The following EPC2 variants were observed in gnomAD, a reference collection of about 807,000 sequenced individuals.
The protein encoded by EPC2 is enhancer of polycomb homolog 2.
EPC2 carries 14 observed loss-of-function variants against 92.1 expected under a neutral mutation model. The observed-to-expected ratio is 0.15, with a 90% confidence interval of 0.10 to 0.24. The LOEUF is 0.24. Among genes scored for constraint, EPC2 ranks in the 10% least tolerant of loss-of-function variants. EPC2 has a pLI of 1.00. For missense variants in EPC2, 755 were observed against 971.5 expected (o/e 0.78, Z 2.96); for synonymous variants, 340 against 334.7 (o/e 1.02, Z -0.17).
intron 2 of EPC2, among the ~76,000 whole-genome samples, chr2:148,700,002 T>G (rs1681841361): frequency 6.6e-6 from 1 of 152,218 alleles, no homozygotes; most frequent in Admixed American, 6.5e-5. Context: ...CCTTTTTGTT[T>G]GATTGACATT....
intron 10 of EPC2, among the ~76,000 whole-genome samples, chr2:148,774,484 G>A (rs1412669007): frequency 9.2e-5 from 14 of 151,820 alleles, no homozygotes; most frequent in Admixed American, 7.2e-4. Flanking sequence ...AAAGTTAGCC[G>A]GGTGTGGTGG....
chr2:148,766,091 C>T (rs1169394392), intron 7 of EPC2, among the ~76,000 whole-genome samples: 1 of 152,050 alleles, frequency 6.6e-6, no homozygotes, highest in Admixed American at 6.5e-5. Flanking sequence ...TATTGTGTAT[C>T]ACCTGCTCTA....
chr2:148,714,963 T>G (rs985567177), intron 2 of EPC2, among the ~76,000 whole-genome samples: 8 of 152,100 alleles, frequency 5.3e-5, no homozygotes, highest in African/African-American at 1.9e-4. Context: ...TTTGGCATCT[T>G]TGTCATGAAA....
At chr2:148,763,976 C>T (rs1330757608) in intron 6 of EPC2, among the ~76,000 whole-genome samples, 1 of 152,158 alleles carries the variant, frequency 6.6e-6, no homozygotes, top group Non-Finnish European at 1.5e-5. Flanking sequence ...GATTTGGTTG[C>T]ATCCATTGTT....
intron 1 of EPC2, among the ~76,000 whole-genome samples, chr2:148,651,195 A>G (rs1024659878): frequency 7.2e-5 from 11 of 152,202 alleles, no homozygotes; most frequent in Admixed American, 2.0e-4. Flanking sequence ...ATATTTGAGC[A>G]TAAGAATATC....
In EPC2 at chr2:148,761,850, A is replaced by C. The variant is rs1196291930; in HGVS notation, c.735A>C (p.Ile245=). ...LKLRREFSRA[I]TILEMIKRRE... is the part of the protein sequence containing the mutation. ...TGAGACGAGAATTTAGTAGAGCCAT[A>C]ACAATTTTGGAAATGATTAAGAGAA... is the stretch of plus-strand genomic sequence containing the variant. Residue 245 remains isoleucine (I), a synonymous_variant, in exon 5 of 14, where the codon ATA becomes ATC. Transcript: ENST00000258484. 2.5e-6 allele frequency: 4 copies of C among 1,595,980 alleles called. No homozygotes were observed. Among genetic ancestry groups the C allele is most frequent in the Non-Finnish European group, 3.4e-6 (4 of 1,173,022 alleles).
At chr2:148,730,534 A>C (rs954610388) in intron 2 of EPC2, among the ~76,000 whole-genome samples, 3 of 152,152 alleles carry the variant, frequency 2.0e-5, no homozygotes, top group Non-Finnish European at 4.4e-5. Context: ...AACAAGCCCC[A>C]CCCCAAATCT....
At chr2:148,664,276 A>G (rs1681014821) in intron 1 of EPC2, among the ~76,000 whole-genome samples, 1 of 152,118 alleles carries the variant, frequency 6.6e-6, no homozygotes, top group South Asian at 2.1e-4. Context: ...AGGTGGGTGG[A>G]TTGCTCGAGT....
At chr2:148,744,959 G>T (rs1374239242) in intron 3 of EPC2, among the ~76,000 whole-genome samples, 1 of 129,666 alleles carries the variant, frequency 7.7e-6, no homozygotes, top group East Asian at 2.3e-4. Flanking sequence ...TTTGGCAAGT[G>T]ACTTTGCTGC....
At chr2:148,785,091 A>G in intron 13 of EPC2, 90 bp downstream of exon 13, 1 of 1,056,446 alleles carries the variant, frequency 9.5e-7, no homozygotes, top group Middle Eastern at 2.1e-4. Context: ...CTCAAGCAAT[A>G]GGTGTTTATT....
chr2:148,684,729 C>T (rs920073047), intron 1 of EPC2, among the ~76,000 whole-genome samples: 2 of 152,272 alleles, frequency 1.3e-5, no homozygotes, highest in Non-Finnish European at 1.5e-5. Context: ...ACTTACATAC[C>T]TGCGTGAGGT....
At chr2:148,700,263 T>C (rs1681845970) in intron 2 of EPC2, among the ~76,000 whole-genome samples, 1 of 152,164 alleles carries the variant, frequency 6.6e-6, no homozygotes, top group African/African-American at 2.4e-5. Flanking sequence ...TTTCATGAAT[T>C]ATGTGTTTGG....
intron 2 of EPC2, among the ~76,000 whole-genome samples, chr2:148,700,849 C>T (rs574424049): frequency 6.6e-5 from 10 of 152,068 alleles, no homozygotes; most frequent in Middle Eastern, 3.4e-3. Context: ...TTTACTGAGA[C>T]GTTGTTGAAT....
At chr2:148,733,303 A>G (rs989150602) in intron 2 of EPC2, among the ~76,000 whole-genome samples, 2 of 151,756 alleles carry the variant, frequency 1.3e-5, no homozygotes, top group African/African-American at 4.8e-5. Flanking sequence ...TTTCTCAGAA[A>G]TACTTTACTT....
chr2:148,710,327 G>A (rs182942368), intron 2 of EPC2, among the ~76,000 whole-genome samples: 28 of 152,288 alleles, frequency 1.8e-4, no homozygotes, highest in African/African-American at 6.5e-4. Context: ...TAGAATGGCA[G>A]TCATTGAAAA....
intron 11 of EPC2, among the ~76,000 whole-genome samples, chr2:148,782,307 C>T (rs752354202): frequency 2.2e-4 from 34 of 152,034 alleles, no homozygotes; most frequent in Admixed American, 5.2e-4. Context: ...GCGGCCGAGG[C>T]GGGCAGATCA....
Position 148,787,152 on chromosome 2 carries a change from A to T in EPC2, c.*775A>T, listed in dbSNP as rs1244101217. The stretch of plus-strand genomic sequence containing the variant: ...CAAATATGAAAATTTTTCGAGGATT[A>T]CATTTTATCTGAAGGCTGCATATTT... On this transcript the variant is annotated 3_prime_UTR_variant, in exon 14 of 14. Transcript: ENST00000258484. 1.3e-5 allele frequency: 2 copies of T among 152,688 alleles called. No individual in the cohort carries two copies. Among genetic ancestry groups the T allele is most frequent in the African/African-American group, 2.4e-5 (1 of 41,476 alleles). The allele number at this position is 152,688 out of a possible 1,614,324, so 9.5% of individuals were successfully genotyped here. A position where few individuals can be genotyped will look rare whatever the true frequency, so the allele number is the denominator to read the frequency against.
intron 1 of EPC2, among the ~76,000 whole-genome samples, chr2:148,678,955 G>A (rs949639925): frequency 7.9e-5 from 12 of 152,226 alleles, no homozygotes; most frequent in African/African-American, 1.4e-4. Flanking sequence ...ACCTCTCAGC[G>A]GGAAGACCAC....
chr2:148,709,879 A>G (rs1558816544), intron 2 of EPC2, among the ~76,000 whole-genome samples: 4 of 152,244 alleles, frequency 2.6e-5, no homozygotes, highest in South Asian at 2.1e-4. Context: ...TGTTAGACCT[A>G]AAACCATAAA....
Sources: allele counts gnomAD v4.1 joint callset (sites outside exome capture counted in the v4.1 genomes callset), GRCh38; gene constraint gnomAD v4.1.1; transcripts MANE v1.5; gene names NCBI Gene and HGNC (gene_info 2026-07-23, HGNC 2026-07-21).